The following FBXL8 variants were observed in gnomAD, a reference collection of about 807,000 sequenced individuals.
FBXL8 encodes F-box/LRR-repeat protein 8.
FBXL8 carries 13 observed loss-of-function variants against 8.2 expected under a neutral mutation model. The ratio of observed to expected loss-of-function variants is 1.58; its 90% CI spans 1.03 to 2.51. The LOEUF (loss-of-function observed/expected upper bound fraction) is 2.51. FBXL8 is among the 30% of genes most tolerant of loss of function. FBXL8 has a pLI of 0.00. For missense variants in FBXL8, 565 were observed against 540.4 expected, an observed-to-expected ratio of 1.05 and a Z score of -0.45; for synonymous variants, 271 against 260.5, an observed-to-expected ratio of 1.04 and a Z score of -0.39.
Position 67,162,468 on chromosome 16 carries a change from C to T in FBXL8, c.153-380C>T, listed in dbSNP as rs1192365589. 4.7e-6 allele frequency: 3 copies of T among 638,072 alleles called. No homozygotes were observed. The Admixed American group carries it at 7.2e-5, about 15-fold the overall frequency. 39.5% of individuals were successfully genotyped at this position (638,072 alleles called of 1,614,324 possible). ...TAGGTATTATCATTACCTCCATTGC[C>T]CAGATAGGAAACTGAGGCAAAGAGA... On this transcript the variant is annotated intron_variant, in intron 2 of 2. Coordinates refer to ENST00000258200, the MANE Select transcript of FBXL8 (RefSeq NM_018378.3).
rs781657560 is a variant in FBXL8 at position 67,163,682 on chromosome 16, C to T, written c.987C>T (p.Ala329=). ...ALEELAARCA[A]LREVHCFCVV... is the part of the protein sequence containing the mutation. ...AGGAGCTGGCGGCGCGCTGCGCGGC[C>T]CTGCGCGAGGTGCATTGTTTCTGCG... Residue 329 remains alanine, a synonymous_variant, in exon 3 of 3, where the codon GCC becomes GCT. Transcript: ENST00000258200. 3.2e-6 allele frequency: 5 copies of T among 1,584,756 alleles called. No individual in the cohort carries two copies. The East Asian group carries it at 1.1e-4, about 36-fold the overall frequency.
intron 1 of FBXL8, 117 bp from the exon 2 acceptor site, chr16:67,161,618 C>A: frequency 1.4e-6 from 1 of 732,970 alleles, no homozygotes; most frequent in Non-Finnish European, 2.1e-6. Flanking sequence ...TATCTGATGC[C>A]CCACGCTGTC....
chr16:67,162,745 G>T, intron 2 of FBXL8, 103 bp from the exon 3 acceptor site: 1 of 1,494,250 alleles, frequency 6.7e-7, no homozygotes, highest in South Asian at 1.2e-5. Context: ...AGGGAGGCAG[G>T]AAATGGGATG....
rs759331643 is a variant in FBXL8 at position 67,163,518 on chromosome 16, GT to G, written c.824del (p.Val275AlafsTer15). On this transcript the variant is annotated frameshift_variant, in exon 3 of 3. Transcript: ENST00000258200. LOFTEE classifies it high-confidence loss of function. ...ESVTRVLQPA[V>X]PVAALRLNLS... ...CGTGACGCGCGTCCTGCAGCCAGCC[GT>G]CCCCGTGGCTGCGCTGCGCCTCAAC... 18 of 1,554,454 alleles carry G rather than the reference GT, an allele frequency of 1.2e-5. No individual in the cohort carries two copies. Among genetic ancestry groups the G allele is most frequent in the Non-Finnish European group, 1.5e-5 (17 of 1,158,074 alleles).
Position 67,163,763 on chromosome 16 carries a change from CTATACCCT to C in FBXL8, c.1069_1076del (p.Tyr357GlnfsTer45), listed in dbSNP as rs757171481. 6.3e-7 allele frequency: 1 copy of C among 1,585,674 alleles called. No homozygotes were observed. The highest frequency in any genetic ancestry group is 8.5e-7 in the Non-Finnish European group (1 of 1,174,932). On this transcript the variant is annotated frameshift_variant, in exon 3 of 3. Transcript: ENST00000258200. LOFTEE classifies it high-confidence loss of function. Reference sequence around the variant, plus strand: ...GCGCGCACTGCCCGCGCCTGCGCACCTATACCCTCAAGCTCACGCGCGAGCCGCATCCC... The same window carrying C: ...GCGCGCACTGCCCGCGCCTGCGCACCCAAGCTCACGCGCGAGCCGCATCCC...
In FBXL8 at chr16:67,163,378, G is replaced by T; in HGVS notation, c.683G>T (p.Cys228Phe). Residue 228 changes from cysteine (C) to phenylalanine (F), a missense_variant, in exon 3 of 3, where the codon TGC becomes TTC. Cys to Phe is a radical substitution (Grantham distance 205). Transcript: ENST00000258200. Reference sequence around the variant, plus strand: ...GCGCTCTTGGCTCTGCGGTGCGCGTGCCCCGAAGATGCACGCGCGTCCCCG... The same window carrying T: ...GCGCTCTTGGCTCTGCGGTGCGCGTTCCCCGAAGATGCACGCGCGTCCCCG... ...PFALLALRCA[C>F]PEDARASPLP... 1 of 1,543,352 alleles carries T rather than the reference G, an allele frequency of 6.5e-7. No homozygotes were observed.
At position 67,163,881 on chromosome 16, in the gene FBXL8, G is replaced by GT. The variant is rs759762267; in HGVS notation, c.*62dup. ...AGCGCTCTGAGAGGGAACGGGGGGG[G>GT]TGTCCAGGCGCGCCCCGAGTGCTAG... On this transcript the variant is annotated 3_prime_UTR_variant, in exon 3 of 3. Coordinates refer to ENST00000258200, the MANE Select transcript of FBXL8 (RefSeq NM_018378.3). 1.3e-6 allele frequency: 2 copies of GT among 1,525,924 alleles called. No homozygotes were observed. Among genetic ancestry groups the GT allele is most frequent in the Non-Finnish European group, 1.7e-6 (2 of 1,144,702 alleles). 94.5% of individuals were successfully genotyped at this position (1,525,924 alleles called of 1,614,324 possible). A position where few individuals can be genotyped will look rare whatever the true frequency, so the allele number is the denominator to read the frequency against.
chr16:67,161,438 T>A (rs2030894786), intron 1 of FBXL8, among the ~76,000 whole-genome samples: 1 of 142,058 alleles, frequency 7.0e-6, no homozygotes, highest in African/African-American at 2.7e-5. Context: ...CGAGACCCTG[T>A]CTCAAAAAAA....
rs1431465094 is a variant in FBXL8 at position 67,163,435 on chromosome 16, G to T, written c.740G>T (p.Arg247Leu). 5 of 1,535,760 alleles carry T rather than the reference G, an allele frequency of 3.3e-6. No homozygotes were observed. In the East Asian group the frequency reaches 1.2e-4, roughly 38 times the overall value. Residue 247 changes from arginine to leucine, a missense_variant, in exon 3 of 3, where the codon CGC becomes CTC. Coordinates refer to ENST00000258200, the MANE Select transcript of FBXL8 (RefSeq NM_018378.3). ...LPNEAWVALR[R>L]RHPGLAVELE... ...AACGAAGCCTGGGTCGCGTTGCGCC[G>T]CCGCCACCCTGGGCTGGCAGTGGAG...
In FBXL8 at chr16:67,163,233, C is replaced by T. The variant is rs148684911; in HGVS notation, c.538C>T (p.Pro180Ser). 2.2e-5 allele frequency: 35 copies of T among 1,566,656 alleles called. No homozygotes were observed. In the South Asian group the frequency reaches 3.8e-4, roughly 17 times the overall value. Reference protein sequence around the residue: ...DNSTLVGSVGPGSVLELLEAC... With the variant: ...DNSTLVGSVGSGSVLELLEAC... ...CAGTACCCTAGTGGGCAGCGTGGGT[C>T]CCGGCTCAGTGCTCGAGCTACTGGA... Residue 180 changes from proline to serine, a missense_variant, in exon 3 of 3, where the codon CCC becomes TCC. By Grantham distance (74) the Pro-to-Ser change is moderately conservative. Transcript: ENST00000258200.
At chr16:67,161,447 A>G (rs1258605008) in intron 1 of FBXL8, among the ~76,000 whole-genome samples, 4 of 147,656 alleles carry the variant, frequency 2.7e-5, no homozygotes, top group African/African-American at 5.3e-5. Flanking sequence ...GTCTCAAAAA[A>G]AAAGAAAAAA....
At position 67,161,795 on chromosome 16, in the gene FBXL8, C is replaced by G. The variant is rs113936384; in HGVS notation, c.10C>G (p.Pro4Ala). The change falls in exon 2 of 3, where the codon CCT becomes GCT. Residue 4 changes from proline (P) to alanine (A), a missense_variant. Pro to Ala is a conservative substitution (Grantham distance 27). Transcript: ENST00000258200. ...CAGCCGGATCTGGGCCATGGCCGAG[C>G]CTGGAGAGGGACTGCCAGAGGAGGT... is the stretch of plus-strand genomic sequence containing the variant. The part of the protein sequence containing the change: MAE[P>A]GEGLPEEVLA... 4.2e-5 allele frequency: 67 copies of G among 1,605,762 alleles called. No individual in the cohort carries two copies. In the African/African-American group the frequency reaches 4.5e-4, roughly 11 times the overall value.
In FBXL8 at chr16:67,163,954, A is replaced by C. The variant is rs1597235483; in HGVS notation, c.*134A>C. On this transcript the variant is annotated 3_prime_UTR_variant, in exon 3 of 3. Transcript: ENST00000258200. Reference sequence around the variant, plus strand: ...CCCCCGGGTCTTTACCGAGTTGGGAACTGTGATGGCATCGGGACCAGTCCT... The same window carrying C: ...CCCCCGGGTCTTTACCGAGTTGGGACCTGTGATGGCATCGGGACCAGTCCT... The C allele has an allele frequency of 7.4e-7, 1 of 1,352,862 alleles. No individual in the cohort carries two copies. Among genetic ancestry groups the C allele is most frequent in the African/African-American group, 1.5e-5 (1 of 68,940 alleles). 83.8% of individuals were successfully genotyped at this position (1,352,862 alleles called of 1,614,324 possible).
rs1349680679 is a variant in FBXL8 at position 67,163,919 on chromosome 16, G to A, written c.*99G>A. The A allele has an allele frequency of 1.7e-5, 25 of 1,500,636 alleles. No homozygotes were observed. Among genetic ancestry groups the A allele is most frequent in the Admixed American group, 2.0e-5 (1 of 50,000 alleles). 93.0% of individuals were successfully genotyped at this position (1,500,636 alleles called of 1,614,324 possible). ...CCCCGAGTGCTAGTGCCTTCTTTTG[G>A]GATTGTTGCCCCCCGGGTCTTTACC... On this transcript the variant is annotated 3_prime_UTR_variant, in exon 3 of 3. Transcript: ENST00000258200.
At position 67,163,227 on chromosome 16, in the gene FBXL8, G is replaced by C. The variant is rs769486050; in HGVS notation, c.532G>C (p.Val178Leu). Reference sequence around the variant, plus strand: ...GGACAACAGTACCCTAGTGGGCAGCGTGGGTCCCGGCTCAGTGCTCGAGCT... The same window carrying C: ...GGACAACAGTACCCTAGTGGGCAGCCTGGGTCCCGGCTCAGTGCTCGAGCT... ...FLDNSTLVGS[V>L]GPGSVLELLE... Residue 178 changes from valine to leucine, a missense_variant, in exon 3 of 3, where the codon GTG (valine) becomes CTG (leucine). Coordinates refer to ENST00000258200, the MANE Select transcript of FBXL8 (RefSeq NM_018378.3). 6 of 1,566,446 alleles carry C rather than the reference G, an allele frequency of 3.8e-6. No homozygotes were observed. The South Asian group carries it at 7.0e-5, about 18-fold the overall frequency.
chr16:67,161,812 A>G lies in FBXL8; in HGVS notation c.27A>G (p.Pro9=), dbSNP rs780828331. 1.2e-5 allele frequency: 19 copies of G among 1,609,506 alleles called. 1 individual carries two copies. In the South Asian group the frequency reaches 2.1e-4, roughly 18 times the overall value. ...TGGCCGAGCCTGGAGAGGGACTGCCAGAGGAGGTGCTGGCACTCATCTTCC... is the reference window on the plus strand; with the variant it reads ...TGGCCGAGCCTGGAGAGGGACTGCCGGAGGAGGTGCTGGCACTCATCTTCC... MAEPGEGL[P]EEVLALIFRH... is the part of the protein sequence containing the mutation. The change falls in exon 2 of 3, where the codon CCA becomes CCG. Residue 9 remains proline, a synonymous_variant. Coordinates refer to ENST00000258200, the MANE Select transcript of FBXL8 (RefSeq NM_018378.3).
Position 67,163,757 on chromosome 16 carries a change from G to C in FBXL8, c.1062G>C (p.Leu354=). The change falls in exon 3 of 3, where the codon CTG becomes CTC. Residue 354 remains leucine (L), a synonymous_variant. Transcript: ENST00000258200. ...CCTTCCGCGCGCACTGCCCGCGCCT[G>C]CGCACCTATACCCTCAAGCTCACGC... ...LDAFRAHCPR[L]RTYTLKLTRE... The C allele has an allele frequency of 6.3e-7, 1 of 1,592,314 alleles. No individual in the cohort carries two copies. The highest frequency in any genetic ancestry group is 8.5e-7 in the Non-Finnish European group (1 of 1,177,222).
In FBXL8 at chr16:67,163,650, G is replaced by A. The variant is rs1314252091; in HGVS notation, c.955G>A (p.Ala319Thr). 6.4e-7 allele frequency: 1 copy of A among 1,569,710 alleles called. No individual in the cohort carries two copies. Among genetic ancestry groups the A allele is most frequent in the East Asian group, 2.3e-5 (1 of 42,564 alleles). The change falls in exon 3 of 3, where the codon GCG becomes ACG. Residue 319 changes from alanine to threonine, a missense_variant. Transcript: ENST00000258200. ...AGCCGCTTCGGCCGAGCTGAACGCCGCGCTGGAGGAGCTGGCGGCGCGCTG... is the reference window on the plus strand; with the variant it reads ...AGCCGCTTCGGCCGAGCTGAACGCCACGCTGGAGGAGCTGGCGGCGCGCTG... ...RAAASAELNA[A>T]LEELAARCAA...
At chr16:67,160,686 G>A (rs1567664715) in intron 1 of FBXL8, among the ~76,000 whole-genome samples, 1 of 152,214 alleles carries the variant, frequency 6.6e-6, no homozygotes, top group Non-Finnish European at 1.5e-5. Context: ...ACTCCAGCCT[G>A]GGCGACACAG....
Sources: gnomAD v4.1 joint callset for allele counts (sites outside exome capture counted in the v4.1 genomes callset) on GRCh38, gnomAD v4.1.1 for gene constraint, MANE v1.5 for transcripts, NCBI Gene and HGNC (gene_info 2026-07-23, HGNC 2026-07-21) for gene names.